Variants in AKT1 observed in about 807,000 individuals in gnomAD.
AKT1 encodes the protein AKT serine/threonine kinase 1.
Under a neutral mutation model 63.1 loss-of-function variants are expected in AKT1, and 21 were observed. The ratio of observed to expected loss-of-function variants is 0.33; its 90% CI spans 0.24 to 0.48. AKT1 has a LOEUF of 0.48. Ranked by LOEUF, AKT1 falls within the 20% of genes least tolerant of loss-of-function variation. The pLI, the probability that AKT1 is intolerant of heterozygous loss-of-function variation, is 0.99. For missense variants in AKT1, 382 were observed against 666.0 expected (o/e 0.57, Z 4.69); for synonymous variants, 257 against 253.1 (o/e 1.02, Z -0.15).
In AKT1 at chr14:104,772,044, G is replaced by A. The variant is rs367885157; in HGVS notation, c.1260+321C>T. 7.6e-4 allele frequency: 381 copies of A among 499,124 alleles called. 5 individuals are homozygous for A. Among genetic ancestry groups the A allele is most frequent in the South Asian group, 7.4e-3 (324 of 44,054 alleles). 30.9% of individuals were successfully genotyped at this position (499,124 alleles called of 1,614,324 possible). On this transcript the variant is annotated intron_variant, in intron 13 of 14. Coordinates refer to ENST00000649815, the MANE Select transcript of AKT1 (RefSeq NM_001382430.1). ...CACCAGCCAGCCTTCACTGCACAGCGTCAGGGAAGGGAACCCCAAGGCTGG... is the reference window on the plus strand; with the variant it reads ...CACCAGCCAGCCTTCACTGCACAGCATCAGGGAAGGGAACCCCAAGGCTGG...
At chr14:104,791,773 A>G (rs1445612339) in intron 3 of AKT1, among the ~76,000 whole-genome samples, 1 of 152,242 alleles carries the variant, frequency 6.6e-6, no homozygotes, top group Admixed American at 6.5e-5. Flanking sequence ...GATCACTAGA[A>G]CTTAGGAGGG....
intron 3 of AKT1, among the ~76,000 whole-genome samples, chr14:104,790,207 G>C (rs954153181): frequency 2.6e-5 from 4 of 152,244 alleles, no homozygotes; most frequent in Admixed American, 1.3e-4. Flanking sequence ...ACGGTCGTGG[G>C]GAGTCCCGGC....
At chr14:104,771,952 C>T (rs1004500605) in intron 13 of AKT1, 1 of 331,368 alleles carries the variant, frequency 3.0e-6, no homozygotes, top group East Asian at 4.8e-5. Context: ...GCTCTCCTTG[C>T]GGCAGAAGGG....
chr14:104,784,859 G>T (rs2494742), intron 3 of AKT1, among the ~76,000 whole-genome samples: 5 of 152,166 alleles, frequency 3.3e-5, no homozygotes, highest in Admixed American at 6.5e-5. Context: ...CACGTCCCGG[G>T]ACTGACCACC....
chr14:104,789,374 C>T (rs761247749), intron 3 of AKT1, among the ~76,000 whole-genome samples: 4 of 152,226 alleles, frequency 2.6e-5, no homozygotes, highest in Non-Finnish European at 2.9e-5. Context: ...CAGCTCTCCA[C>T]GGGGCTAGGC....
chr14:104,773,938 C>G lies in AKT1; in HGVS notation c.676G>C (p.Val226Leu), dbSNP rs1892553720. ...TCGCCCCCGTTGGCGTACTCCATGACAAAGCAGAGGCGGTCGTGGGTCTGG... is the reference window on the plus strand; with the variant it reads ...TCGCCCCCGTTGGCGTACTCCATGAGAAAGCAGAGGCGGTCGTGGGTCTGG... ...SFQTHDRLCF[V>L]MEYANGGELF... The change falls in exon 9 of 15, where the codon GTC becomes CTC. Residue 226 changes from valine to leucine, a missense_variant. Around this residue, in one of 3 missense-constraint regions of AKT1, gnomAD observed 226 missense variants for 366.4 expected, o/e 0.62. Coordinates refer to ENST00000649815, the MANE Select transcript of AKT1 (RefSeq NM_001382430.1). 6.2e-7 allele frequency: 1 copy of G among 1,612,748 alleles called. No homozygotes were observed.
intron 3 of AKT1, among the ~76,000 whole-genome samples, chr14:104,789,500 G>C (rs1893515909): frequency 6.6e-6 from 1 of 152,234 alleles, no homozygotes; most frequent in African/African-American, 2.4e-5. Context: ...AGCCTGGCAC[G>C]GAGCTATCAA....
chr14:104,788,805 G>C (rs1188762196), intron 3 of AKT1, among the ~76,000 whole-genome samples: 1 of 152,188 alleles, frequency 6.6e-6, no homozygotes, highest in African/African-American at 2.4e-5. Context: ...GGCTAACTCA[G>C]CAGGAGTGGT....
At chr14:104,783,172 C>G (rs1238352425) in intron 3 of AKT1, among the ~76,000 whole-genome samples, 1 of 152,124 alleles carries the variant, frequency 6.6e-6, no homozygotes, top group Non-Finnish European at 1.5e-5. Flanking sequence ...GCTGCCCTCC[C>G]AGACCCCTCA....
intron 3 of AKT1, 135 bp from the exon 4 acceptor site, chr14:104,780,351 G>A: frequency 7.9e-7 from 1 of 1,263,676 alleles, no homozygotes; most frequent in Non-Finnish European, 1.1e-6. Flanking sequence ...CGCGGTACGG[G>A]AGCTGTTTCT....
intron 13 of AKT1, 168 bp downstream of exon 13, chr14:104,772,197 A>G: frequency 1.4e-6 from 1 of 708,266 alleles, no homozygotes; most frequent in Non-Finnish European, 2.4e-6. Flanking sequence ...GCCTCTGAGC[A>G]CCAGGCGCTG....
intron 3 of AKT1, among the ~76,000 whole-genome samples, chr14:104,786,742 C>T (rs1178732214): frequency 7.9e-5 from 12 of 152,132 alleles, no homozygotes; most frequent in Admixed American, 7.9e-4. Context: ...TCCTTCTGAT[C>T]CCCCGGCCTG....
intron 13 of AKT1, chr14:104,771,762 G>A (rs561327131): frequency 3.8e-5 from 9 of 236,168 alleles, no homozygotes; most frequent in Non-Finnish European, 5.8e-5. Context: ...GCAGGCTTCC[G>A]AACCCAGCTG....
At chr14:104,788,659 C>T (rs1893460219) in intron 3 of AKT1, among the ~76,000 whole-genome samples, 1 of 152,152 alleles carries the variant, frequency 6.6e-6, no homozygotes, top group Non-Finnish European at 1.5e-5. Flanking sequence ...CCACTCTCTC[C>T]CTGCCTCAGT....
intron 14 of AKT1, 46 bp from the exon 15 acceptor site, chr14:104,770,466 A>C (rs2140888912): frequency 6.7e-7 from 1 of 1,502,438 alleles, no homozygotes; most frequent in Non-Finnish European, 9.0e-7. Context: ...CCTCCCTGCC[A>C]CCTCCACCCA....
At chr14:104,789,323 G>A (rs551965535) in intron 3 of AKT1, among the ~76,000 whole-genome samples, 10 of 152,344 alleles carry the variant, frequency 6.6e-5, no homozygotes, top group African/African-American at 2.2e-4. Context: ...AGACAGCCGC[G>A]AGTGGACAAA....
intron 2 of AKT1, 117 bp downstream of exon 2, chr14:104,793,010 C>A (rs973271088): frequency 5.0e-5 from 20 of 397,572 alleles, no homozygotes; most frequent in African/African-American, 3.2e-4. Context: ...CCTGCCACCA[C>A]CACCCGCAAC....
chr14:104,780,260 C>T (rs546792309), intron 3 of AKT1, 44 bp from the exon 4 acceptor site: 1 of 1,600,976 alleles, frequency 6.2e-7, no homozygotes, highest in Non-Finnish European at 8.5e-7. Context: ...CTCTACCCGT[C>T]AGACCCTCGC....
At chr14:104,780,009 C>T (rs2140947640) in intron 4 of AKT1, 79 bp downstream of exon 4, 1 of 1,559,826 alleles carries the variant, frequency 6.4e-7, no homozygotes, top group East Asian at 2.3e-5. Flanking sequence ...AGGGGACCCC[C>T]ATCGTGGGGC....
Sources: gnomAD v4.1 joint callset for allele counts (sites outside exome capture counted in the v4.1 genomes callset) on GRCh38, gnomAD v4.1.1 for gene constraint, gnomAD v4.1.1 regional missense constraint, MANE v1.5 for transcripts, NCBI Gene and HGNC (gene_info 2026-07-23, HGNC 2026-07-21) for gene names.